TENM3: variants seen among roughly 807,000 people sequenced by gnomAD.
The protein encoded by TENM3 is teneurin-3.
Under a neutral mutation model 255.1 loss-of-function variants are expected in TENM3, and 63 were observed. The ratio of observed to expected loss-of-function variants is 0.25; its 90% confidence interval spans 0.20 to 0.30. The LOEUF is 0.30. Among genes scored for constraint, TENM3 ranks in the 10% least tolerant of loss-of-function variants. The pLI, the probability that TENM3 is intolerant of heterozygous loss-of-function variation, is 1.00. For missense variants in TENM3, 2,929 were observed against 3,461.1 expected, an observed-to-expected ratio of 0.85 and a Z score of 3.86; for synonymous variants, 1,306 against 1,322.3, an observed-to-expected ratio of 0.99 and a Z score of 0.27.
chr4:182,576,942 C>T (rs1744984261), intron 3 of TENM3, among the ~76,000 whole-genome samples: 1 of 152,184 alleles, frequency 6.6e-6, no homozygotes, highest in Non-Finnish European at 1.5e-5. Context: ...AATCTTTATT[C>T]CACCTGTCTT....
In TENM3 at chr4:182,792,682, A is replaced by G. The variant is rs1466377477; in HGVS notation, c.6010A>G (p.Ile2004Val). The G allele has an allele frequency of 6.2e-7, 1 of 1,613,906 alleles. No homozygotes were observed. The highest frequency in any genetic ancestry group is 1.7e-5 in the Admixed American group (1 of 60,006). ...AATTGGTCCCCTGATTGACAGGCAG[A>G]TTTTCCGCTTTAGTGAAGATGGGAT... is the stretch of plus-strand genomic sequence containing the variant. ...RQIGPLIDRQ[I>V]FRFSEDGMVN... Residue 2004 changes from isoleucine to valine, a missense_variant, in exon 26 of 28, where the codon ATT becomes GTT. Physicochemically the swap from Ile to Val is conservative, Grantham distance 29 (BLOSUM62 3). This residue lies in a region of TENM3 where 303 missense variants were observed against 425.2 expected (regional missense o/e 0.71). Transcript: ENST00000511685. This position sits in a 1 kb window ranked among gnomAD's most constrained non-coding sequence, Gnocchi z 6.3.
intron 3 of TENM3, among the ~76,000 whole-genome samples, chr4:182,507,867 T>C (rs1385979667): frequency 1.3e-5 from 2 of 152,212 alleles, no homozygotes; most frequent in African/African-American, 4.8e-5. Context: ...TACATTCTTA[T>C]AGAGTATCCA....
the TENM3 span, among the ~76,000 whole-genome samples, chr4:181,821,826 A>C: frequency 2.6e-5 from 4 of 152,322 alleles, no homozygotes; most frequent in South Asian, 6.2e-4. Flanking sequence ...TCTGCCATGC[A>C]AATTCTTTGG....
At chr4:181,973,095 T>C in the TENM3 span, among the ~76,000 whole-genome samples, 1 of 152,214 alleles carries the variant, frequency 6.6e-6, no homozygotes, top group Non-Finnish European at 1.5e-5. Flanking sequence ...GTTATAATAT[T>C]GACAGGAATG....
chr4:182,538,443 A>G (rs186589640), intron 3 of TENM3, among the ~76,000 whole-genome samples: 109 of 152,314 alleles, frequency 7.2e-4, no homozygotes, highest in African/African-American at 2.5e-3. Flanking sequence ...GAAAGAAGAA[A>G]ATACAGGTAA....
intron 3 of TENM3, among the ~76,000 whole-genome samples, chr4:182,572,053 C>T (rs1356246064): frequency 6.6e-6 from 1 of 152,168 alleles, no homozygotes; most frequent in African/African-American, 2.4e-5. Flanking sequence ...AGGCGCCTGC[C>T]ACCACGCCCG....
chr4:181,616,750 G>A, the TENM3 span, among the ~76,000 whole-genome samples: 1 of 152,088 alleles, frequency 6.6e-6, no homozygotes, highest in Non-Finnish European at 1.5e-5. Flanking sequence ...ATGTCCGTGG[G>A]CAGGAGAGGA....
At chr4:181,919,024 G>A in the TENM3 span, among the ~76,000 whole-genome samples, 1 of 152,094 alleles carries the variant, frequency 6.6e-6, no homozygotes, top group Non-Finnish European at 1.5e-5. Context: ...ACAAAACCTG[G>A]GAGCAATGCC....
chr4:181,528,901 G>A, the TENM3 span, among the ~76,000 whole-genome samples: 4 of 151,788 alleles, frequency 2.6e-5, no homozygotes, highest in African/African-American at 4.8e-5. Flanking sequence ...ACACACACAC[G>A]TGTATATACA....
the TENM3 span, among the ~76,000 whole-genome samples, chr4:181,476,904 A>G: frequency 1.3e-5 from 2 of 152,204 alleles, no homozygotes; most frequent in Non-Finnish European, 2.9e-5. Flanking sequence ...AGATGCAGCA[A>G]TCCTAATAGC....
the TENM3 span, among the ~76,000 whole-genome samples, chr4:182,083,212 A>C: frequency 6.6e-6 from 1 of 152,218 alleles, no homozygotes; most frequent in Non-Finnish European, 1.5e-5. Flanking sequence ...ATGCAATTTT[A>C]CTGTTAGATA....
the TENM3 span, among the ~76,000 whole-genome samples, chr4:182,034,042 C>G: frequency 6.6e-6 from 1 of 152,120 alleles, no homozygotes; most frequent in Non-Finnish European, 1.5e-5. Context: ...TTCCACGTGG[C>G]TGGGGAGGAC....
the TENM3 span, among the ~76,000 whole-genome samples, chr4:181,871,683 A>G: frequency 6.6e-6 from 1 of 152,242 alleles, no homozygotes; most frequent in Non-Finnish European, 1.5e-5. Context: ...ATTAAGTTTG[A>G]CATTAACTTC....
intron 3 of TENM3, among the ~76,000 whole-genome samples, chr4:182,573,642 G>A (rs1457777801): frequency 6.6e-6 from 1 of 152,124 alleles, no homozygotes; most frequent in Non-Finnish European, 1.5e-5. Flanking sequence ...GCAACATGTC[G>A]GTTAAAATTT....
At chr4:182,115,111 G>A in the TENM3 span, among the ~76,000 whole-genome samples, 1 of 152,272 alleles carries the variant, frequency 6.6e-6, no homozygotes, top group Non-Finnish European at 1.5e-5. Context: ...AACCCAGGAG[G>A]CAGAGGTTAC....
At chr4:182,794,621 G>A (rs1766358187) in intron 26 of TENM3, among the ~76,000 whole-genome samples, 1 of 152,172 alleles carries the variant, frequency 6.6e-6, no homozygotes, top group South Asian at 2.1e-4. Context: ...AATACTAATA[G>A]GCATACTAAT....
chr4:182,662,233 ACT>A (rs1177545501), intron 6 of TENM3, among the ~76,000 whole-genome samples: 1 of 152,054 alleles, frequency 6.6e-6, no homozygotes, highest in Non-Finnish European at 1.5e-5. Context: ...CTGTTTTCAC[ACT>A]CTGACAACTG....
chr4:181,983,574 T>A, the TENM3 span, among the ~76,000 whole-genome samples: 1 of 152,128 alleles, frequency 6.6e-6, no homozygotes, highest in African/African-American at 2.4e-5. Flanking sequence ...TTACAGTTTC[T>A]TAGTAATTTA....
the TENM3 span, among the ~76,000 whole-genome samples, chr4:181,897,338 A>G: frequency 7.2e-5 from 11 of 152,218 alleles, no homozygotes; most frequent in Middle Eastern, 3.2e-3. Context: ...TTTGACGCAG[A>G]TATAAAGACA....
Sources: gnomAD v4.1 joint callset for allele counts (sites outside exome capture counted in the v4.1 genomes callset) on GRCh38, gnomAD v4.1.1 for gene constraint, gnomAD v4.1.1 regional missense constraint, Gnocchi (gnomAD v3.1) non-coding constraint, MANE v1.5 for transcripts, NCBI Gene and HGNC (gene_info 2026-07-23, HGNC 2026-07-21) for gene names.